The following PTPRF variants were observed in gnomAD, a reference collection of about 807,000 sequenced individuals.
The protein encoded by PTPRF is protein tyrosine phosphatase receptor type F, also known as receptor-type tyrosine-protein phosphatase F.
Under a neutral mutation model 201.8 loss-of-function variants are expected in PTPRF, and 59 were observed. The ratio of observed to expected loss-of-function variants is 0.29; its 90% CI spans 0.24 to 0.36. The LOEUF (loss-of-function observed/expected upper bound fraction) is 0.36, where lower values mean the gene tolerates loss of function less well. Ranked by LOEUF, PTPRF falls within the 10% of genes least tolerant of loss-of-function variation. The pLI, the probability that PTPRF is intolerant of heterozygous loss-of-function variation, is 1.00. For synonymous variants in PTPRF, 1,088 were observed against 1,089.7 expected, an observed-to-expected ratio of 1.00 and a Z score of 0.03; for missense variants, 2,132 against 2,690.5, an observed-to-expected ratio of 0.79 and a Z score of 4.59.
upstream of PTPRF, among the ~76,000 whole-genome samples, chr1:43,527,854 T>C (rs1030099775): frequency 6.6e-6 from 1 of 152,234 alleles, no homozygotes; most frequent in Non-Finnish European, 1.5e-5. Context: ...TGGGGCTGGA[T>C]GAGCTCTAAG....
chr1:43,535,091 C>T (rs1643923259), intron 1 of PTPRF, among the ~76,000 whole-genome samples: 1 of 152,104 alleles, frequency 6.6e-6, no homozygotes, highest in Non-Finnish European at 1.5e-5. Flanking sequence ...ATGAGGTTGC[C>T]TTTAATGAGA....
intron 6 of PTPRF, chr1:43,576,073 C>A: frequency 1.6e-6 from 1 of 622,514 alleles, no homozygotes. Context: ...CCAACACCAC[C>A]GGCCACCACA....
At chr1:43,574,601 G>A (rs1045736341) in intron 6 of PTPRF, among the ~76,000 whole-genome samples, 2 of 152,172 alleles carry the variant, frequency 1.3e-5, no homozygotes, top group South Asian at 2.1e-4. Flanking sequence ...AAAACTCTAC[G>A]TTCATGAGAG....
chr1:43,606,577 TG>T, intron 20 of PTPRF, 119 bp downstream of exon 20: 2 of 1,156,180 alleles, frequency 1.7e-6, no homozygotes, highest in South Asian at 3.0e-5. Context: ...TTCGAGATCC[TG>T]GGGCAGCACT....
intron 6 of PTPRF, among the ~76,000 whole-genome samples, chr1:43,570,058 G>T (rs576746437): frequency 6.6e-6 from 1 of 152,202 alleles, no homozygotes; most frequent in Non-Finnish European, 1.5e-5. Flanking sequence ...CTCTTCAAGG[G>T]TGCTCTATGG....
At chr1:43,529,530 C>T (rs1289906054), upstream of PTPRF, among the ~76,000 whole-genome samples, 1 of 152,178 alleles carries the variant, frequency 6.6e-6, no homozygotes, top group African/African-American at 2.4e-5. Flanking sequence ...CAGAAGAAAC[C>T]CCACAGAGGA....
chr1:43,619,734 T>G lies in PTPRF; in HGVS notation c.4987T>G (p.Cys1663Gly). ...CCGCTTCATCAGCGCCAACCTGCCC[T>G]GCAACAAGTTCAAGAACCGGCTGGT... The part of the protein sequence containing the change: ...TSRFISANLP[C>G]NKFKNRLVNI... Residue 1663 changes from cysteine (C) to glycine (G), a missense_variant, in exon 29 of 34, where the codon TGC becomes GGC. Physicochemically the swap from Cys to Gly is radical, Grantham distance 159 (BLOSUM62 -3). Transcript: ENST00000359947. 6.2e-7 allele frequency: 1 copy of G among 1,614,262 alleles called. No homozygotes were observed. Among genetic ancestry groups the G allele is most frequent in the Non-Finnish European group, 8.5e-7 (1 of 1,180,036 alleles).
intron 7 of PTPRF, among the ~76,000 whole-genome samples, chr1:43,584,534 CT>C (rs1344674611): frequency 6.6e-6 from 1 of 152,182 alleles, no homozygotes; most frequent in East Asian, 1.9e-4. Context: ...CTCCTGGTCC[CT>C]CGTCCCCTCC....
chr1:43,584,420 A>G (rs1648584000), intron 7 of PTPRF, among the ~76,000 whole-genome samples: 1 of 152,162 alleles, frequency 6.6e-6, no homozygotes, highest in Admixed American at 6.5e-5. Context: ...CATTTCTGTT[A>G]CACCATTTTG....
intron 5 of PTPRF, among the ~76,000 whole-genome samples, chr1:43,566,270 G>C (rs1646179685): frequency 6.6e-6 from 1 of 152,244 alleles, no homozygotes; most frequent in Non-Finnish European, 1.5e-5. Flanking sequence ...CAGGTGTCCA[G>C]ATGTCTAGAT....
Position 43,620,857 on chromosome 1 carries a change from T to C in PTPRF, c.5384T>C (p.Ile1795Thr). ...TDARDGQSRTIRQFQFTDWPE... is the reference protein window; with the variant it reads ...TDARDGQSRTTRQFQFTDWPE... ...TCCCAGGATGGGCAGTCAAGGACAA[T>C]CCGGCAGTTCCAGTTCACAGACTGG... The change falls in exon 32 of 34, where the codon ATC (isoleucine) becomes ACC (threonine). Residue 1795 changes from isoleucine to threonine, a missense_variant. This residue lies in a region of PTPRF where 519 missense variants were observed against 659.5 expected (regional missense o/e 0.79). Coordinates refer to ENST00000359947, the MANE Select transcript of PTPRF (RefSeq NM_002840.5). 6.2e-7 allele frequency: 1 copy of C among 1,613,138 alleles called. No individual in the cohort carries two copies. Among genetic ancestry groups the C allele is most frequent in the Non-Finnish European group, 8.5e-7 (1 of 1,179,410 alleles).
In PTPRF at chr1:43,560,986, G is replaced by A. The variant is rs557768093; in HGVS notation, c.379+7045G>A. Among the ~76,000 whole-genome samples the A allele has an allele frequency of 3.3e-5, 5 of 152,278 alleles. 1 individual carries two copies. The highest frequency in any genetic ancestry group is 7.2e-5 in the African/African-American group (3 of 41,556). On this transcript the variant is annotated intron_variant, in intron 5 of 33. Transcript: ENST00000359947. Reference sequence around the variant, plus strand: ...TTGCCAGCCTTGGAGCAGGCTCTGGGGAAGGGCTGTCCGGCACATGAAGTA... The same window carrying A: ...TTGCCAGCCTTGGAGCAGGCTCTGGAGAAGGGCTGTCCGGCACATGAAGTA...
intron 8 of PTPRF, 105 bp downstream of exon 8, chr1:43,589,105 A>C (rs1315756020): frequency 2.2e-6 from 3 of 1,350,514 alleles, no homozygotes; most frequent in Non-Finnish European, 2.9e-6. Context: ...TGGCTGAGGG[A>C]TTCTTGCCCT....
At chr1:43,524,724 G>A (rs1026871791), upstream of PTPRF, among the ~76,000 whole-genome samples, 4 of 152,134 alleles carry the variant, frequency 2.6e-5, no homozygotes, top group African/African-American at 9.7e-5. Flanking sequence ...GGCAGCAGGA[G>A]AGAGGGCAGA....
intron 12 of PTPRF, chr1:43,598,512 G>T: frequency 1.8e-6 from 1 of 568,698 alleles, no homozygotes. Context: ...GGCCAGAGGG[G>T]TGGGCAGGGC....
chr1:43,586,175 A>C (rs35287175), intron 7 of PTPRF, among the ~76,000 whole-genome samples: 2 of 152,222 alleles, frequency 1.3e-5, no homozygotes, highest in Non-Finnish European at 2.9e-5. Flanking sequence ...GGAAACCTGC[A>C]CCTAGTAGGT....
chr1:43,613,619 T>C lies in PTPRF; in HGVS notation c.3975T>C (p.Gly1325=). The change falls in exon 23 of 34, where the codon GGT becomes GGC. Residue 1325 remains glycine (G), a splice_region_variant and synonymous_variant. Coordinates refer to ENST00000359947, the MANE Select transcript of PTPRF (RefSeq NM_002840.5). ...EMRRLNYQTP[G]MRDHPPIPIT... ...CTGTGTATGCCCTACCTCCCCTAGG[T>C]ATGCGAGACCACCCACCCATCCCCA... The C allele has an allele frequency of 6.2e-7, 1 of 1,613,718 alleles. No individual in the cohort carries two copies.
At chr1:43,579,017 A>G (rs575858938) in intron 7 of PTPRF, 97 bp downstream of exon 7, 57 of 1,088,152 alleles carry the variant, frequency 5.2e-5, no homozygotes, top group Non-Finnish European at 7.4e-5. Context: ...CACGCAAGGG[A>G]CTGCCATGGG....
At chr1:43,536,212 A>C (rs1382609428) in intron 1 of PTPRF, among the ~76,000 whole-genome samples, 2 of 151,852 alleles carry the variant, frequency 1.3e-5, no homozygotes, top group Admixed American at 1.3e-4. Context: ...TCCCAGTGTG[A>C]GTGTAGAGTG....
Sources: allele counts gnomAD v4.1 joint callset (sites outside exome capture counted in the v4.1 genomes callset), GRCh38; gene constraint gnomAD v4.1.1; regional missense constraint gnomAD v4.1.1; transcripts MANE v1.5; gene names NCBI Gene and HGNC (gene_info 2026-07-23, HGNC 2026-07-21).